CSRNP3: variants seen among roughly 807,000 people sequenced by gnomAD.
CSRNP3 encodes cysteine and serine rich nuclear protein 3, also known as cysteine/serine-rich nuclear protein 3.
CSRNP3 carries 12 observed loss-of-function variants against 48.0 expected under a neutral mutation model. That is an observed-to-expected ratio of 0.25 (90% CI 0.16 to 0.41). CSRNP3 has a LOEUF of 0.41. Among genes scored for constraint, CSRNP3 ranks in the 10% least tolerant of loss-of-function variants. CSRNP3 has a pLI of 1.00. For missense variants in CSRNP3, 580 were observed against 724.4 expected, an observed-to-expected ratio of 0.80 and a Z score of 2.29; for synonymous variants, 263 against 269.7, an observed-to-expected ratio of 0.98 and a Z score of 0.24.
intron 4 of CSRNP3, among the ~76,000 whole-genome samples, chr2:165,654,232 G>T (rs560586873): frequency 5.9e-5 from 9 of 152,136 alleles, no homozygotes; most frequent in Admixed American, 1.3e-4. Flanking sequence ...TGGGCAGATT[G>T]TTAAATTTGC....
chr2:165,676,729 A>G (rs1308987375), intron 6 of CSRNP3, 121 bp downstream of exon 6: 1 of 731,990 alleles, frequency 1.4e-6, no homozygotes, highest in East Asian at 2.6e-5. Flanking sequence ...TGGCAAGGCA[A>G]GACATGTAAT....
intron 4 of CSRNP3, among the ~76,000 whole-genome samples, chr2:165,637,735 T>G (rs1686654888): frequency 6.6e-6 from 1 of 152,234 alleles, no homozygotes; most frequent in African/African-American, 2.4e-5. Context: ...CAGAAAACTA[T>G]AGTGGAAGTG....
At chr2:165,648,692 G>A (rs1325766969) in intron 4 of CSRNP3, among the ~76,000 whole-genome samples, 1 of 152,092 alleles carries the variant, frequency 6.6e-6, no homozygotes, top group Non-Finnish European at 1.5e-5. Flanking sequence ...GGAAGAGGAG[G>A]GGGCGTCCTT....
In CSRNP3 at chr2:165,680,387, G is replaced by A. The variant is rs1042908907; in HGVS notation, c.*634G>A. ...ATCAGATTTGCAAATTCTTAAGGGT[G>A]AAATAGGCCTATTTTTGCTATTTTG... is the stretch of plus-strand genomic sequence containing the variant. On this transcript the variant is annotated 3_prime_UTR_variant, in exon 7 of 7. Coordinates refer to ENST00000651982, the MANE Select transcript of CSRNP3 (RefSeq NM_001172173.2). 6.6e-6 allele frequency: 1 copy of A among 152,530 alleles called. No homozygotes were observed. The highest frequency in any genetic ancestry group is 2.4e-5 in the African/African-American group (1 of 41,386). 9.4% of individuals were successfully genotyped at this position (152,530 alleles called of 1,614,324 possible).
At chr2:165,591,001 G>C (rs1458536809) in intron 3 of CSRNP3, among the ~76,000 whole-genome samples, 1 of 152,150 alleles carries the variant, frequency 6.6e-6, no homozygotes, top group East Asian at 1.9e-4. Context: ...GGGCTCAGAA[G>C]AAGATAGGAA....
At chr2:165,549,631 C>G (rs924842983) in intron 3 of CSRNP3, among the ~76,000 whole-genome samples, 4 of 152,084 alleles carry the variant, frequency 2.6e-5, no homozygotes, top group African/African-American at 9.7e-5. Context: ...CTGAAAGACA[C>G]TTCTCTTCAC....
At chr2:165,517,086 T>C (rs1335179259) in intron 2 of CSRNP3, among the ~76,000 whole-genome samples, 1 of 151,938 alleles carries the variant, frequency 6.6e-6, no homozygotes, top group African/African-American at 2.4e-5. Flanking sequence ...TTAAAGAAAA[T>C]TTTTACATTT....
At chr2:165,654,574 G>A (rs148474299) in intron 4 of CSRNP3, among the ~76,000 whole-genome samples, 174 of 152,144 alleles carry the variant, frequency 1.1e-3, no homozygotes, top group Non-Finnish European at 1.8e-3. Flanking sequence ...CTCATCACTG[G>A]AATGGAAGCT....
At chr2:165,559,501 A>AT in intron 3 of CSRNP3, among the ~76,000 whole-genome samples, 1 of 152,164 alleles carries the variant, frequency 6.6e-6, no homozygotes, top group East Asian at 1.9e-4. Flanking sequence ...GGAAACTGAT[A>AT]TTTTTTAAAA....
chr2:165,482,293 T>C (rs1349504494), intron 1 of CSRNP3, among the ~76,000 whole-genome samples: 1 of 150,022 alleles, frequency 6.7e-6, no homozygotes, highest in East Asian at 2.0e-4. Context: ...AGATGGAGCC[T>C]TGCTCTGTTG....
intron 2 of CSRNP3, among the ~76,000 whole-genome samples, chr2:165,496,457 G>A (rs1473249679): frequency 6.6e-6 from 1 of 151,992 alleles, no homozygotes; most frequent in Admixed American, 6.6e-5. Context: ...GATGATGCTT[G>A]CAGTTTTTTA....
chr2:165,476,821 T>C (rs1683968431), intron 1 of CSRNP3, among the ~76,000 whole-genome samples: 1 of 152,224 alleles, frequency 6.6e-6, no homozygotes, highest in African/African-American at 2.4e-5. Context: ...CAGGTGTACA[T>C]AGAGGACTTT....
At chr2:165,576,504 G>A (rs1685453059) in intron 3 of CSRNP3, among the ~76,000 whole-genome samples, 1 of 152,028 alleles carries the variant, frequency 6.6e-6, no homozygotes, top group Non-Finnish European at 1.5e-5. Context: ...AGCCCATGAA[G>A]ATTCTTGGAG....
chr2:165,615,541 T>TA (rs35407045), intron 4 of CSRNP3, among the ~76,000 whole-genome samples: 76,887 of 144,024 alleles, frequency 0.53, 20,527 homozygotes, highest in Admixed American at 0.6. Context: ...AGACTCCATC[T>TA]AAAAAAAAAA....
intron 3 of CSRNP3, among the ~76,000 whole-genome samples, chr2:165,544,259 A>C (rs909483150): frequency 6.6e-6 from 1 of 152,116 alleles, no homozygotes; most frequent in Non-Finnish European, 1.5e-5. Flanking sequence ...AAAAGGAAGA[A>C]TTAAAGCAAT....
chr2:165,633,920 C>G (rs1235874737), intron 4 of CSRNP3, among the ~76,000 whole-genome samples: 2 of 152,190 alleles, frequency 1.3e-5, no homozygotes, highest in Admixed American at 6.5e-5. Context: ...CACAAAGCCT[C>G]TCATGATCTT....
intron 3 of CSRNP3, among the ~76,000 whole-genome samples, chr2:165,536,834 G>T (rs1253572654): frequency 1.3e-5 from 2 of 151,760 alleles, no homozygotes; most frequent in Non-Finnish European, 2.9e-5. Context: ...AGGATAACAA[G>T]ATTTTAAATT....
chr2:165,638,539 T>C (rs1686671586), intron 4 of CSRNP3, among the ~76,000 whole-genome samples: 1 of 152,210 alleles, frequency 6.6e-6, no homozygotes, highest in Non-Finnish European at 1.5e-5. Flanking sequence ...ATTTATTTTA[T>C]ATTTTTTAAA....
intron 1 of CSRNP3, among the ~76,000 whole-genome samples, chr2:165,478,253 T>C (rs898541646): frequency 6.6e-6 from 1 of 152,210 alleles, no homozygotes; most frequent in Admixed American, 6.5e-5. Context: ...AAACATGGTC[T>C]ACATTTTACA....
Sources: allele counts gnomAD v4.1 joint callset (sites outside exome capture counted in the v4.1 genomes callset), GRCh38; gene constraint gnomAD v4.1.1; transcripts MANE v1.5; gene names NCBI Gene and HGNC (gene_info 2026-07-23, HGNC 2026-07-21).